MDGA2: variants seen among roughly 807,000 people sequenced by gnomAD.
MDGA2 encodes MAM domain containing glycosylphosphatidylinositol anchor 2, also known as MAM domain-containing glycosylphosphatidylinositol anchor protein 2.
A neutral mutation model predicts 117.8 loss-of-function variants in MDGA2; 40 were observed. The observed-to-expected ratio is 0.34, with a 90% CI of 0.26 to 0.44. The LOEUF (loss-of-function observed/expected upper bound fraction) is 0.44. Ranked by LOEUF, MDGA2 falls within the 20% of genes least tolerant of loss-of-function variation. The pLI is 1.00. For missense variants in MDGA2, 1,123 were observed against 1,250.6 expected (o/e 0.90, Z 1.54); for synonymous variants, 452 against 439.0 (o/e 1.03, Z -0.37).
intron 8 of MDGA2, among the ~76,000 whole-genome samples, chr14:46,968,677 C>CA (rs34010287): frequency 1.7e-4 from 25 of 147,642 alleles, no homozygotes; most frequent in East Asian, 6.0e-4. Flanking sequence ...ACTAAAAATA[C>CA]AAAAAAAAAA....
At chr14:47,108,273 CTA>C (rs930368321) in intron 5 of MDGA2, among the ~76,000 whole-genome samples, 2 of 152,172 alleles carry the variant, frequency 1.3e-5, no homozygotes, top group African/African-American at 4.8e-5. Context: ...CACTTCAACA[CTA>C]TTTTGTTTTA....
intron 2 of MDGA2, among the ~76,000 whole-genome samples, chr14:47,282,461 C>G (rs529060181): frequency 6.6e-6 from 1 of 151,760 alleles, no homozygotes; most frequent in East Asian, 2.0e-4. Flanking sequence ...AGACAGTTCA[C>G]GAGGTCAGGA....
intron 14 of MDGA2, 117 bp downstream of exon 14, chr14:46,873,315 TA>T: frequency 2.2e-6 from 2 of 890,810 alleles, no homozygotes; most frequent in South Asian, 2.8e-5. Context: ...ATAAATCATT[TA>T]AAAAGTGAAT....
chr14:47,333,061 A>C (rs1482843162), intron 1 of MDGA2, among the ~76,000 whole-genome samples: 2 of 151,968 alleles, frequency 1.3e-5, no homozygotes, highest in Non-Finnish European at 2.9e-5. Context: ...ATGGGCATTT[A>C]GGTTGATTCC....
chr14:47,257,539 T>TGAGGACAG (rs1159724768), intron 2 of MDGA2, among the ~76,000 whole-genome samples: 1 of 152,186 alleles, frequency 6.6e-6, no homozygotes, highest in African/African-American at 2.4e-5. Flanking sequence ...AGAATGTTCA[T>TGAGGACAG]GAGGACAGGA....
chr14:47,560,441 C>T (rs1202137240), intron 1 of MDGA2, among the ~76,000 whole-genome samples: 2 of 152,106 alleles, frequency 1.3e-5, no homozygotes, highest in African/African-American at 4.8e-5. Flanking sequence ...TTTTGATTTG[C>T]ATTTCTCTTA....
chr14:47,631,163 G>A (rs1163817231), intron 1 of MDGA2, among the ~76,000 whole-genome samples: 1 of 152,068 alleles, frequency 6.6e-6, no homozygotes, highest in Non-Finnish European at 1.5e-5. Context: ...CTGATATTTG[G>A]TTTTCATAGC....
chr14:47,540,859 C>G lies in MDGA2; in HGVS notation c.280+133658G>C, dbSNP rs74935444. 3.4e-3 allele frequency among the ~76,000 whole-genome samples: 521 copies of G among 152,014 alleles called. 3 individuals are homozygous for G. Among genetic ancestry groups the G allele is most frequent in the African/African-American group, 0.012 (498 of 41,444 alleles). On this transcript the variant is annotated intron_variant, in intron 1 of 16. Coordinates refer to ENST00000399232, the MANE Select transcript of MDGA2 (RefSeq NM_001113498.3). ...GGATTACAGGTATGAACTACTACAC[C>G]CAACCACACTATATATTTTATTTGA...
chr14:47,087,008 T>A (rs534927441), intron 6 of MDGA2, among the ~76,000 whole-genome samples: 3 of 152,284 alleles, frequency 2.0e-5, no homozygotes, highest in African/African-American at 7.2e-5. Flanking sequence ...AGAGCAGAAA[T>A]TTTTAAAATA....
chr14:46,973,666 A>G (rs1018524494), intron 8 of MDGA2, among the ~76,000 whole-genome samples: 2 of 152,186 alleles, frequency 1.3e-5, no homozygotes, highest in Admixed American at 1.3e-4. Flanking sequence ...AGGCAAAAGA[A>G]TGTTTCAGCT....
chr14:47,174,337 GAA>G (rs1396479668), intron 3 of MDGA2, among the ~76,000 whole-genome samples: 3 of 152,140 alleles, frequency 2.0e-5, no homozygotes, highest in African/African-American at 7.2e-5. Flanking sequence ...CAAATCAACA[GAA>G]TATACATTTT....
At chr14:47,013,536 T>A (rs1887968824) in intron 8 of MDGA2, among the ~76,000 whole-genome samples, 1 of 151,958 alleles carries the variant, frequency 6.6e-6, no homozygotes, top group African/African-American at 2.4e-5. Flanking sequence ...TTAATGTTTA[T>A]ATTTTGACCT....
At position 47,011,970 on chromosome 14, in the gene MDGA2, T is replaced by C. The variant is rs977646817; in HGVS notation, c.1819+23041A>G. Among the ~76,000 whole-genome samples, 8 of 136,782 alleles carry C rather than the reference T, an allele frequency of 5.8e-5. No homozygotes were observed. In the Admixed American group the frequency reaches 6.2e-4, roughly 11 times the overall value. 89.7% of individuals were successfully genotyped at this position (136,782 alleles called of 152,430 possible). A position where few individuals can be genotyped will look rare whatever the true frequency, so the allele number is the denominator to read the frequency against. ...ATGTCAAAGTGTTCAGTTGAGTATGTGCTATTGTCATCAGCACCTTCCTGA... is the reference window on the plus strand; with the variant it reads ...ATGTCAAAGTGTTCAGTTGAGTATGCGCTATTGTCATCAGCACCTTCCTGA... On this transcript the variant is annotated intron_variant, in intron 8 of 16. Coordinates refer to ENST00000399232, the MANE Select transcript of MDGA2 (RefSeq NM_001113498.3).
At chr14:47,611,926 G>C (rs1896855529) in intron 1 of MDGA2, among the ~76,000 whole-genome samples, 1 of 152,166 alleles carries the variant, frequency 6.6e-6, no homozygotes, top group African/African-American at 2.4e-5. Flanking sequence ...TGAAGCACTT[G>C]CTCAGTAAAC....
intron 1 of MDGA2, among the ~76,000 whole-genome samples, chr14:47,335,874 T>G (rs1372913356): frequency 6.6e-6 from 1 of 151,108 alleles, no homozygotes; most frequent in East Asian, 2.0e-4. Context: ...ACTTCAGGAC[T>G]CAAATGTAGG....
At chr14:47,372,765 T>A (rs1239394027) in intron 1 of MDGA2, among the ~76,000 whole-genome samples, 1 of 152,002 alleles carries the variant, frequency 6.6e-6, no homozygotes, top group African/African-American at 2.4e-5. Flanking sequence ...AAAATGATTA[T>A]CGTAGCTTTG....
chr14:47,334,951 T>A lies in MDGA2; in HGVS notation c.281-33401A>T, dbSNP rs747035712. Among the ~76,000 whole-genome samples the A allele has an allele frequency of 5.3e-5, 8 of 152,064 alleles. No individual in the cohort carries two copies. In the Middle Eastern group the frequency reaches 0.01, roughly 194 times the overall value. On this transcript the variant is annotated intron_variant, in intron 1 of 16. Coordinates refer to ENST00000399232, the MANE Select transcript of MDGA2 (RefSeq NM_001113498.3). ...TAAAACAATGGGAATGTGAATTGCA[T>A]AACTGCTAAGGTAATCTGGAGTAGC...
chr14:47,614,855 A>G (rs973862781), intron 1 of MDGA2, among the ~76,000 whole-genome samples: 3 of 152,202 alleles, frequency 2.0e-5, no homozygotes, highest in African/African-American at 7.2e-5. Flanking sequence ...TATGGTGCCA[A>G]TAATAGTACC....
chr14:47,504,837 G>T (rs1457069494), intron 1 of MDGA2, among the ~76,000 whole-genome samples: 1 of 152,112 alleles, frequency 6.6e-6, no homozygotes. Flanking sequence ...AGCAATCTTA[G>T]TAGTGGCTAC....
Sources: gnomAD v4.1 joint callset for allele counts (sites outside exome capture counted in the v4.1 genomes callset) on GRCh38, gnomAD v4.1.1 for gene constraint, MANE v1.5 for transcripts, NCBI Gene and HGNC (gene_info 2026-07-23, HGNC 2026-07-21) for gene names.